SENP6: variants seen among roughly 807,000 people sequenced by gnomAD.
SENP6 encodes SUMO specific peptidase 6.
SENP6 carries 41 observed loss-of-function variants against 134.5 expected under a neutral mutation model. The ratio of observed to expected loss-of-function variants is 0.30; its 90% CI spans 0.24 to 0.40. The LOEUF is 0.40. Ranked by LOEUF, SENP6 falls within the 10% of genes least tolerant of loss-of-function variation. SENP6 has a pLI of 1.00. For missense variants in SENP6, 1,248 were observed against 1,312.5 expected, an observed-to-expected ratio of 0.95 and a Z score of 0.76; for synonymous variants, 395 against 429.8, an observed-to-expected ratio of 0.92 and a Z score of 1.00.
At position 75,602,576 on chromosome 6, in the gene SENP6, G is replaced by A. The variant is rs752860145; in HGVS notation, c.52G>A (p.Ala18Thr). The change falls in exon 1 of 24, where the codon GCT becomes ACT. Residue 18 changes from alanine (A) to threonine (T), a missense_variant and splice_region_variant. Transcript: ENST00000447266. ...CGCAGGGGAGATTACTTTTCTGGAAGGTACGTCTGTTTCTGCCCTTGACGG... is the reference window on the plus strand; with the variant it reads ...CGCAGGGGAGATTACTTTTCTGGAAAGTACGTCTGTTTCTGCCCTTGACGG... ...GSAGEITFLE[A>T]LARSESKRDG... 1.2e-5 allele frequency: 18 copies of A among 1,551,458 alleles called. No homozygotes were observed. Among genetic ancestry groups the A allele is most frequent in the South Asian group, 4.8e-5 (4 of 84,040 alleles).
At chr6:75,652,672 A>G (rs1770964301) in intron 7 of SENP6, among the ~76,000 whole-genome samples, 1 of 115,948 alleles carries the variant, frequency 8.6e-6, no homozygotes, top group African/African-American at 3.5e-5. Flanking sequence ...TCCCATCTCT[A>G]CTAAAAATCT....
At chr6:75,699,037 A>T (rs1774844136) in intron 18 of SENP6, among the ~76,000 whole-genome samples, 1 of 152,084 alleles carries the variant, frequency 6.6e-6, no homozygotes, top group African/African-American at 2.4e-5. Flanking sequence ...AAAGAAAAAA[A>T]AAGACAGAAA....
chr6:75,707,352 CTTCTT>C (rs1441800371), intron 19 of SENP6, among the ~76,000 whole-genome samples: 91 of 114,142 alleles, frequency 8.0e-4, no homozygotes, highest in African/African-American at 2.6e-3. Flanking sequence ...CTTTCTTCTT[CTTCTT>C]TTTTTTTTTT....
At chr6:75,650,496 C>T (rs1308842274) in intron 7 of SENP6, among the ~76,000 whole-genome samples, 1 of 152,094 alleles carries the variant, frequency 6.6e-6, no homozygotes, top group Admixed American at 6.6e-5. Context: ...CTGTTTTCTT[C>T]ATTTCTTTTA....
chr6:75,677,865 C>T (rs1334514698), intron 14 of SENP6: 1 of 152,206 alleles, frequency 6.6e-6, no homozygotes, highest in East Asian at 1.9e-4. Context: ...ATTACAGCAA[C>T]TTAGCTTTGC....
chr6:75,671,319 G>C (rs1388432443), intron 11 of SENP6, among the ~76,000 whole-genome samples: 1 of 152,150 alleles, frequency 6.6e-6, no homozygotes, highest in East Asian at 1.9e-4. Flanking sequence ...GTAAAGCACT[G>C]TATGTGTTCT....
intron 7 of SENP6, among the ~76,000 whole-genome samples, chr6:75,649,069 T>C (rs1017882699): frequency 1.3e-5 from 2 of 151,886 alleles, no homozygotes; most frequent in African/African-American, 4.8e-5. Context: ...CACTTTACGA[T>C]GTCGATGCAG....
At chr6:75,607,739 A>G (rs533336284) in intron 1 of SENP6, among the ~76,000 whole-genome samples, 30 of 152,270 alleles carry the variant, frequency 2.0e-4, no homozygotes, top group African/African-American at 6.0e-4. Context: ...GTTGCATGCA[A>G]TGTTGTTCTC....
chr6:75,703,232 G>C (rs987699123), intron 19 of SENP6, among the ~76,000 whole-genome samples, 160 bp downstream of exon 19: 5 of 152,042 alleles, frequency 3.3e-5, no homozygotes, highest in African/African-American at 1.2e-4. Context: ...AAGGCAGGAG[G>C]ATCACTTGAG....
intron 16 of SENP6, among the ~76,000 whole-genome samples, chr6:75,693,397 C>T (rs1392509266): frequency 7.6e-6 from 1 of 132,104 alleles, no homozygotes; most frequent in African/African-American, 2.9e-5. Context: ...GAGTGATACT[C>T]AGTCTGAAAT....
chr6:75,637,922 G>A (rs1472967625), intron 5 of SENP6, among the ~76,000 whole-genome samples: 7 of 151,992 alleles, frequency 4.6e-5, no homozygotes, highest in South Asian at 2.1e-4. Context: ...GTGCAGTGGC[G>A]TGATCTCCAC....
rs1236278500 is a variant in SENP6, at chr6:75,702,996, A to G, written c.2640A>G (p.Thr880=). The G allele has an allele frequency of 1.1e-5, 17 of 1,613,836 alleles. No individual in the cohort carries two copies. The highest frequency in any genetic ancestry group is 1.7e-5 in the Admixed American group (1 of 59,964). Residue 880 remains threonine (T), a synonymous_variant, in exon 19 of 24, where the codon ACA becomes ACG. Transcript: ENST00000447266. ...AAGAATTCAATAAAGGAGAATCTAC[A>G]TCCCAGAAAGTTGCTGATAGGACTA... ...ENEEFNKGES[T]SQKVADRTKS...
intron 16 of SENP6, among the ~76,000 whole-genome samples, chr6:75,686,351 T>C (rs1471670236): frequency 6.6e-6 from 1 of 152,208 alleles, no homozygotes; most frequent in Admixed American, 6.5e-5. Flanking sequence ...CTTTATCCAA[T>C]TTGCCAGTCT....
chr6:75,685,206 G>C (rs1773743280), intron 16 of SENP6, among the ~76,000 whole-genome samples: 1 of 152,102 alleles, frequency 6.6e-6, no homozygotes, highest in Admixed American at 6.5e-5. Context: ...ATTCTCTGAT[G>C]GTAGTTTGTA....
intron 19 of SENP6, among the ~76,000 whole-genome samples, chr6:75,705,558 A>T (rs2842570): frequency 0.18 from 27,400 of 150,374 alleles, 2,617 homozygotes; most frequent in East Asian, 0.3. Context: ...ATAAATAAAT[A>T]AATTAATTAA....
intron 1 of SENP6, among the ~76,000 whole-genome samples, chr6:75,612,403 C>T (rs1477885301): frequency 6.6e-6 from 1 of 152,192 alleles, no homozygotes; most frequent in Non-Finnish European, 1.5e-5. Flanking sequence ...GCGCTTATGG[C>T]TCATTGCAGT....
chr6:75,607,071 G>A (rs1236358284), intron 1 of SENP6, among the ~76,000 whole-genome samples: 2 of 152,186 alleles, frequency 1.3e-5, no homozygotes, highest in Non-Finnish European at 2.9e-5. Flanking sequence ...TCAATAGCCG[G>A]GCATGGTGGC....
chr6:75,661,058 A>C (rs1373260005), intron 8 of SENP6, among the ~76,000 whole-genome samples: 1 of 152,234 alleles, frequency 6.6e-6, no homozygotes, highest in Non-Finnish European at 1.5e-5. Context: ...ATGTTCATTC[A>C]CATGGGTATT....
Position 75,709,571 on chromosome 6 carries a change from G to A in SENP6, c.2761G>A (p.Glu921Lys). ...ACTAAACTATAGCGATGAATCACCT[G>A]AAGCTGGTAAAATGCTTGAAGATGA... ...IRLNYSDESP[E>K]AGKMLEDELV... The change falls in exon 20 of 24, where the codon GAA becomes AAA. Residue 921 changes from glutamate (E) to lysine (K), a missense_variant. Transcript: ENST00000447266. The A allele has an allele frequency of 6.2e-7, 1 of 1,614,058 alleles. No homozygotes were observed. The highest frequency in any genetic ancestry group is 1.1e-5 in the South Asian group (1 of 91,070).
Sources: allele counts gnomAD v4.1 joint callset (sites outside exome capture counted in the v4.1 genomes callset), GRCh38; gene constraint gnomAD v4.1.1; transcripts MANE v1.5; gene names NCBI Gene and HGNC (gene_info 2026-07-23, HGNC 2026-07-21).